Variants in CADPS observed in about 807,000 individuals in gnomAD.
CADPS encodes the protein calcium dependent secretion activator.
In CADPS, 57 loss-of-function variants were observed where a neutral mutation model predicts 167.3. The ratio of observed to expected loss-of-function variants is 0.34; its 90% confidence interval spans 0.28 to 0.42. The LOEUF is 0.42. Ranked by LOEUF, CADPS falls within the 20% of genes least tolerant of loss-of-function variation. The pLI is 1.00. For synonymous variants in CADPS, 676 were observed against 635.3 expected, an observed-to-expected ratio of 1.06 and a Z score of -0.96; for missense variants, 1,414 against 1,738.1, an observed-to-expected ratio of 0.81 and a Z score of 3.32.
chr3:62,401,037 CA>C (rs1161645551), intron 29 of CADPS, among the ~76,000 whole-genome samples: 6 of 152,052 alleles, frequency 3.9e-5, no homozygotes, highest in Non-Finnish European at 8.8e-5. Context: ...AGTCCAATAA[CA>C]AAAAAGTAAT....
intron 10 of CADPS, among the ~76,000 whole-genome samples, chr3:62,552,284 C>T (rs960324035): frequency 3.3e-5 from 5 of 151,230 alleles, no homozygotes; most frequent in East Asian, 2.0e-4. Flanking sequence ...TGTTAAATGA[C>T]GAGTTAATGG....
At chr3:62,615,344 C>T (rs1022272015) in intron 6 of CADPS, among the ~76,000 whole-genome samples, 2 of 152,282 alleles carry the variant, frequency 1.3e-5, no homozygotes, top group East Asian at 3.9e-4. Context: ...AGGGTTACTA[C>T]AAGAGTGACT....
At chr3:62,677,817 A>C (rs916743945) in intron 3 of CADPS, among the ~76,000 whole-genome samples, 3 of 152,112 alleles carry the variant, frequency 2.0e-5, no homozygotes, top group Non-Finnish European at 4.4e-5. Flanking sequence ...GAGGAAGAAA[A>C]GAGATAAGAA....
At chr3:62,804,962 A>C (rs1445012525) in intron 1 of CADPS, among the ~76,000 whole-genome samples, 1 of 152,140 alleles carries the variant, frequency 6.6e-6, no homozygotes, top group Non-Finnish European at 1.5e-5. Flanking sequence ...CAAGAAATAT[A>C]GAGGCCCAAG....
At chr3:62,612,561 TC>T (rs2061648877) in intron 6 of CADPS, among the ~76,000 whole-genome samples, 1 of 152,192 alleles carries the variant, frequency 6.6e-6, no homozygotes, top group Non-Finnish European at 1.5e-5. Flanking sequence ...CTTATTTTAA[TC>T]CAAATAAATT....
intron 1 of CADPS, among the ~76,000 whole-genome samples, chr3:62,844,533 C>T (rs1259573610): frequency 6.6e-6 from 1 of 152,164 alleles, no homozygotes; most frequent in African/African-American, 2.4e-5. Context: ...CTCATGAATG[C>T]CTGTGAAAGC....
At chr3:62,450,217 A>T (rs538392289) in intron 26 of CADPS, among the ~76,000 whole-genome samples, 1 of 152,244 alleles carries the variant, frequency 6.6e-6, no homozygotes, top group South Asian at 2.1e-4. Flanking sequence ...ATTCTGTGAC[A>T]CCCTATGCAC....
At chr3:62,672,544 C>A (rs1399446067) in intron 3 of CADPS, among the ~76,000 whole-genome samples, 1 of 152,130 alleles carries the variant, frequency 6.6e-6, no homozygotes, top group Non-Finnish European at 1.5e-5. Context: ...ACGCTCAGAC[C>A]ATTCTGTACT....
chr3:62,541,570 C>A (rs766435719), intron 11 of CADPS, among the ~76,000 whole-genome samples: 41 of 152,120 alleles, frequency 2.7e-4, no homozygotes, highest in South Asian at 1.5e-3. Flanking sequence ...CTAGTCTAAA[C>A]CTTGCCCCAA....
At chr3:62,431,825 A>AT (rs954684564) in intron 28 of CADPS, among the ~76,000 whole-genome samples, 28 of 151,296 alleles carry the variant, frequency 1.9e-4, no homozygotes, top group Non-Finnish European at 3.8e-4. Flanking sequence ...TTAAAAAGCA[A>AT]TTTTTTTGCT....
intron 3 of CADPS, among the ~76,000 whole-genome samples, chr3:62,739,740 T>C (rs571097380): frequency 1.3e-5 from 2 of 152,282 alleles, no homozygotes; most frequent in African/African-American, 4.8e-5. Flanking sequence ...AGCTAGCATA[T>C]CAGCATTGAT....
chr3:62,759,445 AC>A (rs1307919472), intron 2 of CADPS, among the ~76,000 whole-genome samples: 1 of 152,168 alleles, frequency 6.6e-6, no homozygotes. Flanking sequence ...GTTATAATGG[AC>A]CAGAGCCTTC....
At chr3:62,777,793 A>C (rs893131576) in intron 1 of CADPS, among the ~76,000 whole-genome samples, 1 of 152,244 alleles carries the variant, frequency 6.6e-6, no homozygotes, top group Non-Finnish European at 1.5e-5. Context: ...ACAGCAGCAC[A>C]CATGATGCAG....
chr3:62,660,185 A>C (rs1429553232), intron 4 of CADPS, among the ~76,000 whole-genome samples: 2 of 152,168 alleles, frequency 1.3e-5, no homozygotes, highest in Non-Finnish European at 2.9e-5. Context: ...GCCTTAAAGT[A>C]AACAAAGCAA....
At chr3:62,523,918 T>C (rs1290421402) in intron 13 of CADPS, among the ~76,000 whole-genome samples, 1 of 152,202 alleles carries the variant, frequency 6.6e-6, no homozygotes, top group Non-Finnish European at 1.5e-5. Context: ...AAAATGTCCT[T>C]AAACAAGCAT....
At chr3:62,869,263 T>C (rs1285490982) in intron 1 of CADPS, among the ~76,000 whole-genome samples, 5 of 152,106 alleles carry the variant, frequency 3.3e-5, no homozygotes, top group Non-Finnish European at 7.4e-5. Context: ...ATGGAAGTCA[T>C]TTAGCCTCCT....
At position 62,478,199 on chromosome 3, in the gene CADPS, C is replaced by CT; in HGVS notation, c.3329+61dup. 6.4e-7 allele frequency: 1 copy of CT among 1,567,218 alleles called. No individual in the cohort carries two copies. Among genetic ancestry groups the CT allele is most frequent in the Non-Finnish European group, 8.8e-7 (1 of 1,141,816 alleles). On this transcript the variant is annotated intron_variant, in intron 23 of 29. Transcript: ENST00000383710. The surrounding 1 kb of genome is among the most constrained non-coding windows in gnomAD (Gnocchi z 5.7). ...CCAATTGAAAGAGCAGCCATCTACCCTTCCCTGAGTCTGTGTATGGTGGGG... is the reference window on the plus strand; with the variant it reads ...CCAATTGAAAGAGCAGCCATCTACCCTTTCCCTGAGTCTGTGTATGGTGGGG...
intron 6 of CADPS, among the ~76,000 whole-genome samples, chr3:62,599,843 TA>T (rs1272359167): frequency 4.8e-4 from 2 of 4,204 alleles, no homozygotes; most frequent in East Asian, 0.037. Flanking sequence ...TAATATATTA[TA>T]TATATATAAT....
intron 3 of CADPS, among the ~76,000 whole-genome samples, chr3:62,682,642 A>C (rs751358664): frequency 1.9e-4 from 29 of 152,164 alleles, no homozygotes; most frequent in African/African-American, 7.0e-4. Flanking sequence ...GATCTCTGGA[A>C]AATAACCAGT....
Sources: gnomAD v4.1 joint callset for allele counts (sites outside exome capture counted in the v4.1 genomes callset) on GRCh38, gnomAD v4.1.1 for gene constraint, Gnocchi (gnomAD v3.1) non-coding constraint, MANE v1.5 for transcripts, NCBI Gene and HGNC (gene_info 2026-07-23, HGNC 2026-07-21) for gene names.